Variants in CTNND2 observed in about 807,000 individuals in gnomAD.
The protein encoded by CTNND2 is catenin delta 2.
In CTNND2, 22 loss-of-function variants were observed where a neutral mutation model predicts 144.4. The ratio of observed to expected loss-of-function variants is 0.15; its 90% CI spans 0.11 to 0.22. The LOEUF (loss-of-function observed/expected upper bound fraction) is 0.22, where lower values mean the gene tolerates loss of function less well. Among genes scored for constraint, CTNND2 ranks in the 10% least tolerant of loss-of-function variants. CTNND2 has a pLI of 1.00. For missense variants in CTNND2, 1,353 were observed against 1,618.8 expected (o/e 0.84, Z 2.82); for synonymous variants, 751 against 695.6 (o/e 1.08, Z -1.25).
chr5:11,488,910 G>A (rs944204360), intron 3 of CTNND2, among the ~76,000 whole-genome samples: 2 of 152,160 alleles, frequency 1.3e-5, no homozygotes, highest in African/African-American at 4.8e-5. Context: ...CTTTTACATT[G>A]CTGAGTAGTA....
chr5:11,049,811 CA>C (rs1214259673), intron 16 of CTNND2, among the ~76,000 whole-genome samples: 1 of 152,142 alleles, frequency 6.6e-6, no homozygotes, highest in Non-Finnish European at 1.5e-5. Flanking sequence ...AATATCTCAC[CA>C]TTTATACCTC....
At chr5:11,044,104 T>C (rs1478546499) in intron 16 of CTNND2, among the ~76,000 whole-genome samples, 1 of 152,212 alleles carries the variant, frequency 6.6e-6, no homozygotes, top group East Asian at 1.9e-4. Context: ...GGCAGGACTC[T>C]GATGGTCCTG....
At chr5:11,769,485 TATTATA>T (rs2126821636) in intron 1 of CTNND2, among the ~76,000 whole-genome samples, 1 of 152,368 alleles carries the variant, frequency 6.6e-6, no homozygotes, top group South Asian at 2.1e-4. Context: ...TTAAAGTGAA[TATTATA>T]CATGCATATA....
At chr5:11,004,950 G>A (rs1740330412) in intron 18 of CTNND2, among the ~76,000 whole-genome samples, 1 of 152,148 alleles carries the variant, frequency 6.6e-6, no homozygotes, top group Admixed American at 6.5e-5. Flanking sequence ...AGACTGGCAT[G>A]GTTGTTGAGG....
intron 3 of CTNND2, among the ~76,000 whole-genome samples, chr5:11,539,066 A>C (rs1362498742): frequency 6.6e-6 from 1 of 152,184 alleles, no homozygotes; most frequent in Non-Finnish European, 1.5e-5. Flanking sequence ...GTGTACACTC[A>C]CAAGTGTACA....
Position 11,026,356 on chromosome 5 carries a change from C to CTTTTTT in CTNND2, c.2789-3383_2789-3378dup, listed in dbSNP as rs67196223. Among the ~76,000 whole-genome samples, 43 of 117,034 alleles carry CTTTTTT rather than the reference C, an allele frequency of 3.7e-4. 4 individuals are homozygous for CTTTTTT. Among genetic ancestry groups the CTTTTTT allele is most frequent in the Admixed American group, 5.2e-4 (5 of 9,550 alleles). 76.8% of individuals were successfully genotyped at this position (117,034 alleles called of 152,430 possible). A position where few individuals can be genotyped will look rare whatever the true frequency, so the allele number is the denominator to read the frequency against. On this transcript the variant is annotated intron_variant, in intron 16 of 21. Coordinates refer to ENST00000304623, the MANE Select transcript of CTNND2 (RefSeq NM_001332.4). Reference sequence around the variant, plus strand: ...CAGCTGACTACTCCACCTTCTTCTTCTTTTTTTTTTTTTTTTTTTTTAAGA... The same window carrying CTTTTTT: ...CAGCTGACTACTCCACCTTCTTCTTCTTTTTTTTTTTTTTTTTTTTTTTTTTTAAGA...
At chr5:11,528,545 C>T (rs2150051271) in intron 3 of CTNND2, among the ~76,000 whole-genome samples, 1 of 152,326 alleles carries the variant, frequency 6.6e-6, no homozygotes, top group South Asian at 2.1e-4. Flanking sequence ...TGGGAAACAA[C>T]ATCCCTTGGA....
intron 2 of CTNND2, among the ~76,000 whole-genome samples, chr5:11,693,719 T>A (rs1785010807): frequency 6.6e-6 from 1 of 152,246 alleles, no homozygotes; most frequent in African/African-American, 2.4e-5. Context: ...AATTATTTAA[T>A]AATTTCCCCT....
chr5:11,585,008 A>G (rs1203893084), intron 2 of CTNND2, among the ~76,000 whole-genome samples: 1 of 152,172 alleles, frequency 6.6e-6, no homozygotes, highest in Non-Finnish European at 1.5e-5. Context: ...ATGCAGATAA[A>G]TCACAAAACC....
At chr5:11,581,666 T>C (rs1400169453) in intron 2 of CTNND2, among the ~76,000 whole-genome samples, 1 of 152,216 alleles carries the variant, frequency 6.6e-6, no homozygotes, top group African/African-American at 2.4e-5. Context: ...CATTCAAAAT[T>C]ATATAACTGT....
intron 3 of CTNND2, among the ~76,000 whole-genome samples, chr5:11,470,963 T>C (rs1581265358): frequency 1.1e-5 from 1 of 89,506 alleles, no homozygotes; most frequent in Admixed American, 1.0e-4. Context: ...AGTATATATA[T>C]ATATATATAT....
At chr5:11,578,034 T>G (rs1348121728) in intron 2 of CTNND2, among the ~76,000 whole-genome samples, 6 of 152,134 alleles carry the variant, frequency 3.9e-5, no homozygotes, top group Non-Finnish European at 8.8e-5. Context: ...ATACAGGTTC[T>G]TACACCCAAA....
intron 2 of CTNND2, among the ~76,000 whole-genome samples, chr5:11,674,934 G>A (rs1784094316): frequency 6.6e-6 from 1 of 152,056 alleles, no homozygotes; most frequent in South Asian, 2.1e-4. Flanking sequence ...CACCATGCTG[G>A]CCGGGCTGGT....
At chr5:11,075,867 C>A (rs1199932041) in intron 16 of CTNND2, among the ~76,000 whole-genome samples, 1 of 152,236 alleles carries the variant, frequency 6.6e-6, no homozygotes, top group African/African-American at 2.4e-5. Flanking sequence ...TCTCTGGACA[C>A]CGTAGAAAGA....
At chr5:11,170,124 C>T (rs951605079) in intron 11 of CTNND2, among the ~76,000 whole-genome samples, 1 of 152,126 alleles carries the variant, frequency 6.6e-6, no homozygotes, top group Non-Finnish European at 1.5e-5. Flanking sequence ...CAAAGTCATT[C>T]AACTTTTGGG....
rs192507298 is a variant in CTNND2 at position 11,025,922 on chromosome 5, T to G, written c.2789-2943A>C. ...TGAGGTCTGAGATTTCTTCAGAGGGTAAAAGAAGTTAATTCCCTTTTTTTG... is the reference window on the plus strand; with the variant it reads ...TGAGGTCTGAGATTTCTTCAGAGGGGAAAAGAAGTTAATTCCCTTTTTTTG... On this transcript the variant is annotated intron_variant, in intron 16 of 21. Coordinates refer to ENST00000304623, the MANE Select transcript of CTNND2 (RefSeq NM_001332.4). 5.9e-5 allele frequency among the ~76,000 whole-genome samples: 9 copies of G among 152,296 alleles called. 1 individual carries two copies. The highest frequency in any genetic ancestry group is 3.9e-4 in the Admixed American group (6 of 15,294).
chr5:11,718,850 C>T (rs1786505079), intron 2 of CTNND2, among the ~76,000 whole-genome samples: 1 of 152,078 alleles, frequency 6.6e-6, no homozygotes. Flanking sequence ...TCCATATTTC[C>T]TTAGTGACTA....
intron 12 of CTNND2, among the ~76,000 whole-genome samples, chr5:11,147,932 A>G (rs1187317481): frequency 1.3e-5 from 2 of 152,260 alleles, no homozygotes; most frequent in Non-Finnish European, 2.9e-5. Context: ...ATGTCCATCA[A>G]TGGATAAGTG....
intron 9 of CTNND2, among the ~76,000 whole-genome samples, chr5:11,244,013 TA>T (rs763816806): frequency 1.3e-5 from 2 of 152,224 alleles, no homozygotes; most frequent in Non-Finnish European, 2.9e-5. Flanking sequence ...CAAAATGTTT[TA>T]AAGACTGTAC....
Sources: gnomAD v4.1 joint callset for allele counts (sites outside exome capture counted in the v4.1 genomes callset) on GRCh38, gnomAD v4.1.1 for gene constraint, MANE v1.5 for transcripts, NCBI Gene and HGNC (gene_info 2026-07-23, HGNC 2026-07-21) for gene names.